The following C5AR2 variants were observed in gnomAD, a reference collection of about 807,000 sequenced individuals.
C5AR2 encodes the protein complement C5a receptor 2.
For missense variants in C5AR2, 458 were observed against 467.5 expected (o/e 0.98, Z 0.19); for synonymous variants, 224 against 216.5 (o/e 1.03, Z -0.30).
chr19:47,347,324 A>ATTATTTATTTAT (rs10626798), exon 2 of C5AR2: 32 of 149,694 alleles, frequency 2.1e-4, no homozygotes, highest in African/African-American at 5.7e-4. Flanking sequence ...TATTGTTTGG[A>ATTATTTATTTAT]TTATTTATTT....
At chr19:47,335,916 C>T (rs1215034064) in intron 1 of C5AR2, among the ~76,000 whole-genome samples, 2 of 150,940 alleles carry the variant, frequency 1.3e-5, no homozygotes, top group East Asian at 3.9e-4. Context: ...CGTATGACAC[C>T]CACTGAAAAC....
rs1453640143 is a variant in C5AR2 at position 47,341,682 on chromosome 19, G to T, written c.883G>T (p.Gly295Trp). ...CLNPMLFLYF[G>W]RAQLRRSLPA... ...CAATCCCATGCTCTTCCTGTATTTT[G>T]GGAGGGCTCAACTCCGCCGGTCACT... The change falls in exon 2 of 2, where the codon GGG becomes TGG. Residue 295 changes from glycine to tryptophan, a missense_variant. Physicochemically the swap from Gly to Trp is radical, Grantham distance 184. Coordinates refer to ENST00000595464, the MANE Select transcript of C5AR2 (RefSeq NM_001271749.2). This position sits in a 1 kb window ranked among gnomAD's most constrained non-coding sequence, Gnocchi z 4.6. The T allele has an allele frequency of 6.2e-7, 1 of 1,614,086 alleles. No individual in the cohort carries two copies. Among genetic ancestry groups the T allele is most frequent in the South Asian group, 1.1e-5 (1 of 91,078 alleles).
intron 1 of C5AR2, among the ~76,000 whole-genome samples, chr19:47,340,204 A>C (rs1968989090): frequency 6.6e-6 from 1 of 151,752 alleles, no homozygotes; most frequent in Non-Finnish European, 1.5e-5. Flanking sequence ...TGATCTTCCC[A>C]CCTTGGCCTC....
At position 47,341,583 on chromosome 19, in the gene C5AR2, A is replaced by C; in HGVS notation, c.784A>C (p.Asn262His). ...LGLVLTVAAP[N>H]SALLARALRA... ...GCTGGTGCTCACTGTGGCGGCCCCG[A>C]ACTCCGCACTCCTGGCCAGGGCCCT... Residue 262 changes from asparagine to histidine, a missense_variant, in exon 2 of 2, where the codon AAC (asparagine) becomes CAC (histidine). By Grantham distance (68) the Asn-to-His change is moderately conservative. Transcript: ENST00000595464. This position sits in a 1 kb window ranked among gnomAD's most constrained non-coding sequence, Gnocchi z 4.6. 6.2e-7 allele frequency: 1 copy of C among 1,613,690 alleles called. No homozygotes were observed.
intron 1 of C5AR2, 55 bp from the exon 2 acceptor site, chr19:47,340,730 C>A: frequency 1.3e-6 from 2 of 1,564,974 alleles, no homozygotes; most frequent in Non-Finnish European, 1.8e-6. Context: ...CCCTAGATCT[C>A]CAGGGCCATG....
chr19:47,343,493 C>T lies in C5AR2; in HGVS notation c.*1680C>T, dbSNP rs1293704147. 6.6e-6 allele frequency: 1 copy of T among 152,104 alleles called. No individual in the cohort carries two copies. The highest frequency in any genetic ancestry group is 1.5e-5 in the Non-Finnish European group (1 of 68,028). 9.4% of individuals were successfully genotyped at this position (152,104 alleles called of 1,614,324 possible). A position where few individuals can be genotyped will look rare whatever the true frequency, so the allele number is the denominator to read the frequency against. ...TGTTGTGCAGTTCAACAATCAAGAG[C>T]CATCTGTGGCTATTCAAATTCGAAT... On this transcript the variant is annotated 3_prime_UTR_variant, in exon 2 of 2. Coordinates refer to ENST00000595464, the MANE Select transcript of C5AR2 (RefSeq NM_001271749.2).
chr19:47,337,576 T>C (rs4635440), intron 1 of C5AR2, among the ~76,000 whole-genome samples: 150,355 of 152,032 alleles, frequency 0.99, 74,363 homozygotes, highest in East Asian at 1. Flanking sequence ...GCGGGAGAAT[T>C]GCTTGAACCC....
At chr19:47,334,982 T>TC (rs2059351977) in intron 1 of C5AR2, among the ~76,000 whole-genome samples, 1 of 151,852 alleles carries the variant, frequency 6.6e-6, no homozygotes, top group Non-Finnish European at 1.5e-5. Flanking sequence ...CCTCCCAGCT[T>TC]CAAGGGATTC....
chr19:47,335,277 T>C (rs2059353031), intron 1 of C5AR2, among the ~76,000 whole-genome samples: 1 of 152,016 alleles, frequency 6.6e-6, no homozygotes, highest in Non-Finnish European at 1.5e-5. Context: ...TGGACTGTTT[T>C]TGATGCTTTG....
chr19:47,332,558 A>T (rs2059343700), intron 1 of C5AR2, among the ~76,000 whole-genome samples: 1 of 152,110 alleles, frequency 6.6e-6, no homozygotes, highest in Admixed American at 6.6e-5. Flanking sequence ...CAAAGGATCT[A>T]AGCATTTTTT....
Position 47,341,158 on chromosome 19 carries a change from C to G in C5AR2, c.359C>G (p.Ala120Gly). ...TCCATCATCCTGCTGACCATGTATGCCAGCGTCCTGCTCCTGGCAGCTCTC... is the reference window on the plus strand; with the variant it reads ...TCCATCATCCTGCTGACCATGTATGGCAGCGTCCTGCTCCTGGCAGCTCTC... ...LPSIILLTMY[A>G]SVLLLAALSA... Residue 120 changes from alanine to glycine, a missense_variant, in exon 2 of 2, where the codon GCC becomes GGC. Physicochemically the swap from Ala to Gly is moderately conservative, Grantham distance 60. Coordinates refer to ENST00000595464, the MANE Select transcript of C5AR2 (RefSeq NM_001271749.2). This position sits in a 1 kb window ranked among gnomAD's most constrained non-coding sequence, Gnocchi z 4.6. The G allele has an allele frequency of 6.2e-7, 1 of 1,601,240 alleles. No individual in the cohort carries two copies. Among genetic ancestry groups the G allele is most frequent in the Non-Finnish European group, 8.5e-7 (1 of 1,179,882 alleles).
chr19:47,337,138 T>C (rs2059361378), intron 1 of C5AR2: 1 of 152,246 alleles, frequency 6.6e-6, no homozygotes. Context: ...GCTGGACAAA[T>C]CTTAACTCCT....
At chr19:47,337,897 C>G (rs969473538) in intron 1 of C5AR2, among the ~76,000 whole-genome samples, 24 of 151,498 alleles carry the variant, frequency 1.6e-4, no homozygotes, top group African/African-American at 5.6e-4. Context: ...ATGGTGAAAC[C>G]CCGTCTCTAC....
intron 1 of C5AR2, among the ~76,000 whole-genome samples, chr19:47,333,727 C>T (rs2059347518): frequency 6.6e-6 from 1 of 151,768 alleles, no homozygotes; most frequent in South Asian, 2.1e-4. Context: ...TACAGGCGCC[C>T]GCCACCGCGC....
intron 1 of C5AR2, among the ~76,000 whole-genome samples, chr19:47,336,607 A>C (rs2122163874): frequency 1.3e-5 from 2 of 152,022 alleles, no homozygotes; most frequent in Admixed American, 1.3e-4. Flanking sequence ...TCCTGGGCTC[A>C]TGTGATCTTC....
Position 47,344,187 on chromosome 19 carries a change from A to G in C5AR2, c.*2374A>G, listed in dbSNP as rs1969085391. 1 of 152,154 alleles carries G rather than the reference A, an allele frequency of 6.6e-6. No homozygotes were observed. Among genetic ancestry groups the G allele is most frequent in the Admixed American group, 6.6e-5 (1 of 15,252 alleles). 9.4% of individuals were successfully genotyped at this position (152,154 alleles called of 1,614,324 possible). A position where few individuals can be genotyped will look rare whatever the true frequency, so the allele number is the denominator to read the frequency against. On this transcript the variant is annotated 3_prime_UTR_variant, in exon 2 of 2. Transcript: ENST00000595464. Reference sequence around the variant, plus strand: ...CAAGACCCCATCTCTACAAAAATAAAAAAAAGAAAATTAGCCTGGTTTGGT... The same window carrying G: ...CAAGACCCCATCTCTACAAAAATAAGAAAAAGAAAATTAGCCTGGTTTGGT...
rs118078501 is a variant in C5AR2 at position 47,332,195 on chromosome 19, G to C, written c.-170G>C. On this transcript the variant is annotated 5_prime_UTR_variant, in exon 1 of 2. Coordinates refer to ENST00000595464, the MANE Select transcript of C5AR2 (RefSeq NM_001271749.2). The stretch of plus-strand genomic sequence containing the variant: ...GAGGTGGCAGTGCTCAGCAGCATCC[G>C]ACAGGAGCCCTGGCAAACAGGACGG... 2 of 152,252 alleles carry C rather than the reference G, an allele frequency of 1.3e-5. No homozygotes were observed. 9.4% of individuals were successfully genotyped at this position (152,252 alleles called of 1,614,324 possible).
intron 1 of C5AR2, 31 bp from the exon 2 acceptor site, chr19:47,340,740 GGAGTTTCCTCCTCT>G: frequency 6.3e-7 from 1 of 1,588,664 alleles, no homozygotes; most frequent in Non-Finnish European, 8.6e-7. Flanking sequence ...CCAGGGCCAT[GGAGTTTCCTCCTCT>G]GAGTTTTCAT....
chr19:47,346,296 C>G lies in C5AR2; in HGVS notation c.*4483C>G, dbSNP rs1969118549. On this transcript the variant is annotated 3_prime_UTR_variant, in exon 2 of 2. Transcript: ENST00000595464. ...CCTTCCCATGGCAATGACCCCATGACCCAGAAGTTACTGCCCCTTCCCTAG... is the reference window on the plus strand; with the variant it reads ...CCTTCCCATGGCAATGACCCCATGAGCCAGAAGTTACTGCCCCTTCCCTAG... The G allele has an allele frequency of 6.6e-6, 1 of 152,166 alleles. No homozygotes were observed. The highest frequency in any genetic ancestry group is 2.4e-5 in the African/African-American group (1 of 41,434). The allele number at this position is 152,166 out of a possible 1,614,324, so 9.4% of individuals were successfully genotyped here.
Sources: allele counts gnomAD v4.1 joint callset (sites outside exome capture counted in the v4.1 genomes callset), GRCh38; gene constraint gnomAD v4.1.1; non-coding constraint Gnocchi (gnomAD v3.1); transcripts MANE v1.5; gene names NCBI Gene and HGNC (gene_info 2026-07-23, HGNC 2026-07-21).